The following INPP4B variants were observed in gnomAD, a reference collection of about 807,000 sequenced individuals.
INPP4B encodes inositol polyphosphate 4-phosphatase type II.
In INPP4B, 55 loss-of-function variants were observed where a neutral mutation model predicts 122.5. That is an observed-to-expected ratio of 0.45 (90% CI 0.36 to 0.56). The LOEUF is 0.56. Ranked by LOEUF, INPP4B falls within the 20% of genes least tolerant of loss-of-function variation. The pLI is 0.00. For synonymous variants in INPP4B, 403 were observed against 388.7 expected (o/e 1.04, Z -0.43); for missense variants, 1,000 against 1,097.7 (o/e 0.91, Z 1.26).
chr4:142,643,628 A>G (rs897608556), intron 2 of INPP4B, among the ~76,000 whole-genome samples: 1 of 152,152 alleles, frequency 6.6e-6, no homozygotes, highest in Non-Finnish European at 1.5e-5. Flanking sequence ...ACTCTGTAAC[A>G]GCTCCTTGTT....
intron 2 of INPP4B, among the ~76,000 whole-genome samples, chr4:142,550,127 C>T (rs779713275): frequency 5.3e-5 from 8 of 152,102 alleles, no homozygotes; most frequent in Non-Finnish European, 8.8e-5. Context: ...GATATTGCCT[C>T]TGATTAAAAC....
chr4:142,806,895 T>C (rs889484473), intron 1 of INPP4B, among the ~76,000 whole-genome samples: 24 of 148,268 alleles, frequency 1.6e-4, no homozygotes, highest in African/African-American at 5.5e-4. Context: ...AGAGAAAAAT[T>C]CAAACATGAA....
intron 2 of INPP4B, among the ~76,000 whole-genome samples, chr4:142,642,276 A>G (rs925856202): frequency 2.0e-5 from 3 of 152,096 alleles, no homozygotes; most frequent in African/African-American, 7.2e-5. Flanking sequence ...GTTTAATTAG[A>G]TCCCATTTGT....
intron 7 of INPP4B, among the ~76,000 whole-genome samples, chr4:142,319,921 T>C (rs1333794469): frequency 6.6e-6 from 1 of 152,224 alleles, no homozygotes; most frequent in East Asian, 1.9e-4. Context: ...AGGCATGATA[T>C]GGCTGGATTC....
chr4:142,529,656 G>C (rs1459735210), intron 2 of INPP4B, among the ~76,000 whole-genome samples: 2 of 151,704 alleles, frequency 1.3e-5, no homozygotes, highest in Non-Finnish European at 2.9e-5. Flanking sequence ...AAGCTTTTTG[G>C]GGGTCTTCAA....
chr4:142,620,541 T>C (rs966044973), intron 2 of INPP4B, among the ~76,000 whole-genome samples: 3 of 151,906 alleles, frequency 2.0e-5, no homozygotes, highest in African/African-American at 7.2e-5. Flanking sequence ...ATCGATAAAC[T>C]ACCTATCAGG....
chr4:142,050,613 G>C (rs1348105069), intron 25 of INPP4B, among the ~76,000 whole-genome samples: 1 of 151,086 alleles, frequency 6.6e-6, no homozygotes, highest in Non-Finnish European at 1.5e-5. Context: ...TCCTAGGTCT[G>C]AATCGGGCTT....
At chr4:142,728,948 T>C (rs369283640) in intron 1 of INPP4B, among the ~76,000 whole-genome samples, 2,446 of 67,874 alleles carry the variant, frequency 0.036, 60 homozygotes, top group African/African-American at 0.12. Context: ...TTAGAACTTA[T>C]TAAAAAAAAA....
intron 1 of INPP4B, among the ~76,000 whole-genome samples, chr4:142,841,801 T>TA (rs1192035219): frequency 6.6e-6 from 1 of 151,942 alleles, no homozygotes; most frequent in Non-Finnish European, 1.5e-5. Context: ...TTGATGCTGT[T>TA]ACTCCAATCA....
chr4:142,261,014 A>G (rs1306824300), intron 10 of INPP4B, among the ~76,000 whole-genome samples: 1 of 152,266 alleles, frequency 6.6e-6, no homozygotes, highest in Non-Finnish European at 1.5e-5. Flanking sequence ...AGGGCAAAAG[A>G]TTATTTTGCC....
intron 2 of INPP4B, among the ~76,000 whole-genome samples, chr4:142,710,527 G>T (rs1471366497): frequency 3.3e-5 from 5 of 152,058 alleles, no homozygotes; most frequent in African/African-American, 9.7e-5. Context: ...TTTTTAAAAA[G>T]ATAATAAAGA....
chr4:142,109,945 G>A (rs1430030178), intron 22 of INPP4B, among the ~76,000 whole-genome samples: 1 of 152,056 alleles, frequency 6.6e-6, no homozygotes, highest in Non-Finnish European at 1.5e-5. Flanking sequence ...TTGGAGAACA[G>A]GGATACAGAC....
At chr4:142,339,218 T>G (rs762543751) in intron 7 of INPP4B, among the ~76,000 whole-genome samples, 68 of 152,304 alleles carry the variant, frequency 4.5e-4, no homozygotes, top group Admixed American at 6.5e-4. Flanking sequence ...AAACAGTCCC[T>G]TTGTAAATAA....
intron 9 of INPP4B, among the ~76,000 whole-genome samples, chr4:142,279,217 T>C (rs2150744947): frequency 6.6e-6 from 1 of 152,110 alleles, no homozygotes; most frequent in African/African-American, 2.4e-5. Flanking sequence ...CTTTAAAAGC[T>C]GTCAATTCTC....
intron 2 of INPP4B, among the ~76,000 whole-genome samples, chr4:142,549,630 A>C (rs1727502865): frequency 6.6e-6 from 1 of 152,168 alleles, no homozygotes; most frequent in African/African-American, 2.4e-5. Flanking sequence ...AAAGGGGCAG[A>C]GACTGTGTGC....
chr4:142,184,569 T>C (rs1034386819), intron 15 of INPP4B, among the ~76,000 whole-genome samples: 2 of 152,202 alleles, frequency 1.3e-5, no homozygotes, highest in African/African-American at 4.8e-5. Context: ...TACTCATTCA[T>C]TCCCCCATAT....
intron 2 of INPP4B, among the ~76,000 whole-genome samples, chr4:142,681,431 T>C (rs1758600843): frequency 1.3e-5 from 2 of 151,876 alleles, no homozygotes; most frequent in South Asian, 4.1e-4. Flanking sequence ...CAAACTAGAC[T>C]TCACAAAATT....
intron 25 of INPP4B, among the ~76,000 whole-genome samples, chr4:142,054,092 C>T (rs1371475346): frequency 7.2e-5 from 11 of 151,896 alleles, no homozygotes; most frequent in Middle Eastern, 3.2e-3. Context: ...TACATTCACT[C>T]GGAAACTTCT....
At chr4:142,338,289 T>G (rs1463010143) in intron 7 of INPP4B, among the ~76,000 whole-genome samples, 1 of 152,148 alleles carries the variant, frequency 6.6e-6, no homozygotes, top group African/African-American at 2.4e-5. Context: ...AGGCTGGAGT[T>G]CAGTGGTGCC....
Sources: gnomAD v4.1 joint callset for allele counts (sites outside exome capture counted in the v4.1 genomes callset) on GRCh38, gnomAD v4.1.1 for gene constraint, MANE v1.5 for transcripts, NCBI Gene and HGNC (gene_info 2026-07-23, HGNC 2026-07-21) for gene names.